Variants in SHC4 observed in about 807,000 individuals in gnomAD.
The protein encoded by SHC4 is SHC-transforming protein 4.
In SHC4, 41 loss-of-function variants were observed where a neutral mutation model predicts 69.4. The observed-to-expected ratio is 0.59, with a 90% CI of 0.46 to 0.77. The LOEUF is 0.77. SHC4 is among the 30% of genes least tolerant of loss of function. SHC4 has a pLI of 0.00. For missense variants in SHC4, 777 were observed against 783.8 expected, an observed-to-expected ratio of 0.99 and a Z score of 0.10; for synonymous variants, 318 against 299.3, an observed-to-expected ratio of 1.06 and a Z score of -0.64.
intron 1 of SHC4, among the ~76,000 whole-genome samples, chr15:48,944,018 A>G (rs1180184526): frequency 7.2e-5 from 11 of 152,004 alleles, no homozygotes; most frequent in Admixed American, 7.2e-4. Flanking sequence ...GGACACCCAG[A>G]GTCTCTGCCC....
rs993913086 is a variant in SHC4, at chr15:48,850,776, C to T, written c.1303+412G>A. Among the ~76,000 whole-genome samples, 9 of 152,274 alleles carry T rather than the reference C, an allele frequency of 5.9e-5. No individual in the cohort carries two copies. In the South Asian group the frequency reaches 1.7e-3, roughly 28 times the overall value. On this transcript the variant is annotated intron_variant, in intron 9 of 11. Coordinates refer to ENST00000332408, the MANE Select transcript of SHC4 (RefSeq NM_203349.4). ...TCACATTTCAGACATCCTTTCGTTC[C>T]CTTTGCCAAGCCAGAATAAAGATTT... is the stretch of plus-strand genomic sequence containing the variant.
At chr15:48,876,700 C>T in intron 4 of SHC4, 1 of 566,648 alleles carries the variant, frequency 1.8e-6, no homozygotes, top group East Asian at 3.0e-5. Context: ...CTAGGCCAGT[C>T]TCTCTTTTCA....
At chr15:48,828,558 T>C (rs12902606) in intron 11 of SHC4, among the ~76,000 whole-genome samples, 30,625 of 152,128 alleles carry the variant, frequency 0.2, 3,656 homozygotes, top group Non-Finnish European at 0.26. Context: ...TTATTTTTAA[T>C]TTTTCGAGAA....
rs914641560 is a variant in SHC4, at chr15:48,962,297, C to T, written c.585+134G>A. On this transcript the variant is annotated intron_variant, in intron 1 of 11. Coordinates refer to ENST00000332408, the MANE Select transcript of SHC4 (RefSeq NM_203349.4). ...GACATATATAAACCCAGCTCCCCTC[C>T]GCCTTGGTCCAGTTGAATCATGTCC... 41 of 902,670 alleles carry T rather than the reference C, an allele frequency of 4.5e-5. 1 individual carries two copies. In the Middle Eastern group the frequency reaches 4.0e-3, roughly 88 times the overall value. 55.9% of individuals were successfully genotyped at this position (902,670 alleles called of 1,614,324 possible). A position where few individuals can be genotyped will look rare whatever the true frequency, so the allele number is the denominator to read the frequency against.
chr15:48,915,001 G>A (rs1052522938), intron 2 of SHC4, among the ~76,000 whole-genome samples: 15 of 152,210 alleles, frequency 9.9e-5, no homozygotes, highest in African/African-American at 3.4e-4. Flanking sequence ...TTATGCGTAT[G>A]ATTGTATATC....
chr15:48,962,947 C>T lies in SHC4; in HGVS notation c.69G>A (p.Gly23=). The T allele has an allele frequency of 6.2e-7, 1 of 1,613,160 alleles. No homozygotes were observed. The highest frequency in any genetic ancestry group is 8.5e-7 in the Non-Finnish European group (1 of 1,180,018). The part of the protein sequence containing the change: ...VLYVGLFGHP[G]MLHRAKYSRF... The stretch of plus-strand genomic sequence containing the variant: ...GGCTGTACTTGGCCCTGTGCAGCAT[C>T]CCGGGGTGCCCGAAGAGTCCTACAT... The change falls in exon 1 of 12, where the codon GGG becomes GGA. Residue 23 remains glycine, a synonymous_variant. Transcript: ENST00000332408.
chr15:48,893,256 G>A (rs545883685), intron 2 of SHC4, among the ~76,000 whole-genome samples: 1 of 152,172 alleles, frequency 6.6e-6, no homozygotes, highest in Non-Finnish European at 1.5e-5. Context: ...AAAACACAAA[G>A]TATCATGATA....
chr15:48,892,049 G>T (rs1900146617), intron 2 of SHC4, among the ~76,000 whole-genome samples: 1 of 152,048 alleles, frequency 6.6e-6, no homozygotes, highest in African/African-American at 2.4e-5. Context: ...TAGAGATGGG[G>T]TTTCACCGTG....
intron 11 of SHC4, among the ~76,000 whole-genome samples, chr15:48,831,148 T>C (rs1898792149): frequency 6.6e-6 from 1 of 152,160 alleles, no homozygotes; most frequent in Non-Finnish European, 1.5e-5. Flanking sequence ...ATAACCTATA[T>C]TTTAAGCTAA....
At chr15:48,906,609 C>T (rs77178975) in intron 2 of SHC4, among the ~76,000 whole-genome samples, 8,806 of 152,190 alleles carry the variant, frequency 0.058, 317 homozygotes, top group East Asian at 0.12. Context: ...AAGCCTCAAT[C>T]GCCATATTTA....
At chr15:48,855,833 C>T in intron 8 of SHC4, 120 bp downstream of exon 8, 1 of 1,010,976 alleles carries the variant, frequency 9.9e-7, no homozygotes, top group Non-Finnish European at 1.4e-6. Context: ...TTCTCTGGCT[C>T]TGTATTTGAG....
intron 2 of SHC4, among the ~76,000 whole-genome samples, chr15:48,899,273 C>T (rs753267989): frequency 6.6e-6 from 1 of 152,110 alleles, no homozygotes; most frequent in South Asian, 2.1e-4. Context: ...TTGAGACCAG[C>T]CTGGCCAACA....
intron 9 of SHC4, among the ~76,000 whole-genome samples, chr15:48,850,822 T>C (rs944617189): frequency 2.0e-5 from 3 of 152,216 alleles, no homozygotes; most frequent in African/African-American, 7.2e-5. Flanking sequence ...CTAATGGATC[T>C]GACAGGCATC....
rs199529769 is a variant in SHC4, at chr15:48,881,046, AAG to A, written c.840+3200_840+3201del. Among the ~76,000 whole-genome samples, 874 of 149,144 alleles carry A rather than the reference AAG, an allele frequency of 5.9e-3. 9 individuals carry two copies. The highest frequency in any genetic ancestry group is 0.021 in the African/African-American group (835 of 40,700). ...TGTCTTCATTTAAGGAAGCTAGAGA[AAG>A]GAGTTCTGGGGAAATTCTGATTTTG... On this transcript the variant is annotated intron_variant, in intron 4 of 11. Transcript: ENST00000332408.
chr15:48,962,690 A>G lies in SHC4; in HGVS notation c.326T>C (p.Leu109Pro), dbSNP rs1189866840. Residue 109 changes from leucine (L) to proline (P), a missense_variant, in exon 1 of 12, where the codon CTG (leucine) becomes CCG (proline). By Grantham distance (98) the Leu-to-Pro change is moderately conservative. Coordinates refer to ENST00000332408, the MANE Select transcript of SHC4 (RefSeq NM_203349.4). Reference sequence around the variant, plus strand: ...CAGCCGAGGCACCTCTTTGGTACCCAGGCAAAAGTTTTTCAGACTCAGCAA... The same window carrying G: ...CAGCCGAGGCACCTCTTTGGTACCCGGGCAAAAGTTTTTCAGACTCAGCAA... ...ATLLSLKNFC[L>P]GTKEVPRLKL... 5.6e-6 allele frequency: 9 copies of G among 1,614,040 alleles called. No homozygotes were observed. The highest frequency in any genetic ancestry group is 7.6e-6 in the Non-Finnish European group (9 of 1,180,046).
intron 1 of SHC4, among the ~76,000 whole-genome samples, chr15:48,936,207 C>T (rs1240064643): frequency 1.3e-5 from 2 of 152,128 alleles, no homozygotes; most frequent in Non-Finnish European, 2.9e-5. Flanking sequence ...TCCTTCTGCT[C>T]CAGGTTTAAA....
intron 1 of SHC4, among the ~76,000 whole-genome samples, chr15:48,961,093 C>T (rs140750760): frequency 1.1e-3 from 174 of 152,300 alleles, no homozygotes; most frequent in African/African-American, 4.0e-3. Flanking sequence ...CCTCCTTTCT[C>T]TCCTCTCCAC....
rs966227998 is a variant in SHC4 at position 48,962,768 on chromosome 15, A to T, written c.248T>A (p.Leu83Gln). The T allele has an allele frequency of 5.6e-6, 9 of 1,610,262 alleles. No homozygotes were observed. In the African/African-American group the frequency reaches 1.1e-4, roughly 19 times the overall value. ...TGCCATGCGGGGGATCAAGGTGCAC[A>T]GTGGGGTGGGGCTCTCCTGCGACGG... The part of the protein sequence containing the change: ...TLPSQESPTP[L>Q]CTLIPRMASM... The change falls in exon 1 of 12, where the codon CTG (leucine) becomes CAG (glutamine). Residue 83 changes from leucine to glutamine, a missense_variant. Leu to Gln is a moderately radical substitution (Grantham distance 113, BLOSUM62 -2). Transcript: ENST00000332408.
chr15:48,927,425 A>T (rs1005100342), intron 1 of SHC4, among the ~76,000 whole-genome samples: 4 of 152,296 alleles, frequency 2.6e-5, no homozygotes, highest in Middle Eastern at 3.4e-3. Flanking sequence ...GATTGAAGAC[A>T]AGGTGATATC....
Sources: allele counts gnomAD v4.1 joint callset (sites outside exome capture counted in the v4.1 genomes callset), GRCh38; gene constraint gnomAD v4.1.1; transcripts MANE v1.5; gene names NCBI Gene and HGNC (gene_info 2026-07-23, HGNC 2026-07-21).